SIM2: variants seen among roughly 807,000 people sequenced by gnomAD.
The protein encoded by SIM2 is single-minded homolog 2.
SIM2 carries 28 observed loss-of-function variants against 64.8 expected under a neutral mutation model. The observed-to-expected ratio is 0.43, with a 90% confidence interval of 0.32 to 0.59. The LOEUF (loss-of-function observed/expected upper bound fraction) is 0.59. Ranked by LOEUF, SIM2 falls within the 20% of genes least tolerant of loss-of-function variation. The probability of loss-of-function intolerance (pLI) is 0.07; values close to 1 mark genes in which losing one functional copy is unlikely to be tolerated. For synonymous variants in SIM2, 408 were observed against 391.1 expected (o/e 1.04, Z -0.51); for missense variants, 847 against 871.4 (o/e 0.97, Z 0.35).
intron 1 of SIM2, among the ~76,000 whole-genome samples, chr21:36,702,373 G>C (rs1464101576): frequency 6.6e-6 from 1 of 152,238 alleles, no homozygotes; most frequent in African/African-American, 2.4e-5. Context: ...CCCTCGGAAA[G>C]GGAAGGGAGC....
rs534777844 is a variant in SIM2, at chr21:36,731,059, C to T, written c.758C>T (p.Thr253Met). Reference protein sequence around the residue: ...IFLDSRVTEVTGYEPQDLIEK... With the variant: ...IFLDSRVTEVMGYEPQDLIEK... ...TGCCCCCACAGGGTGACCGAGGTGA[C>T]GGGGTACGAGCCGCAGGACCTGATC... The change falls in exon 7 of 11, where the codon ACG (threonine) becomes ATG (methionine). Residue 253 changes from threonine (T) to methionine (M), a missense_variant. Physicochemically the swap from Thr to Met is moderately conservative, Grantham distance 81 (BLOSUM62 -1). Transcript: ENST00000290399. 38 of 1,613,782 alleles carry T rather than the reference C, an allele frequency of 2.4e-5. No individual in the cohort carries two copies. Among genetic ancestry groups the T allele is most frequent in the Middle Eastern group, 1.6e-4 (1 of 6,062 alleles).
intron 1 of SIM2, among the ~76,000 whole-genome samples, chr21:36,700,258 G>A (rs2088471096): frequency 7.3e-6 from 1 of 136,062 alleles, no homozygotes; most frequent in South Asian, 2.5e-4. Flanking sequence ...TCCTTCGCCA[G>A]TGCATTCTGG....
intron 3 of SIM2, among the ~76,000 whole-genome samples, chr21:36,714,686 C>G (rs1233712961): frequency 6.6e-6 from 1 of 152,182 alleles, no homozygotes; most frequent in African/African-American, 2.4e-5. Context: ...TCAGGAGGTA[C>G]TGTGCACATC....
chr21:36,724,232 T>C (rs867000223), intron 5 of SIM2, among the ~76,000 whole-genome samples: 11 of 152,350 alleles, frequency 7.2e-5, no homozygotes, highest in African/African-American at 2.2e-4. Context: ...CTAAGCCTCT[T>C]TGGGCCACGG....
intron 1 of SIM2, among the ~76,000 whole-genome samples, chr21:36,707,354 G>A (rs1444237709): frequency 1.3e-5 from 2 of 152,218 alleles, no homozygotes; most frequent in African/African-American, 2.4e-5. Context: ...AGAGCACAGG[G>A]AGTGCTGCTG....
Position 36,748,145 on chromosome 21 carries a change from G to A in SIM2, c.*53G>A, listed in dbSNP as rs2089260638. 2 of 1,006,608 alleles carry A rather than the reference G, an allele frequency of 2.0e-6. No individual in the cohort carries two copies. Among genetic ancestry groups the A allele is most frequent in the Non-Finnish European group, 1.2e-6 (1 of 808,074 alleles). 62.4% of individuals were successfully genotyped at this position (1,006,608 alleles called of 1,614,324 possible). A position where few individuals can be genotyped will look rare whatever the true frequency, so the allele number is the denominator to read the frequency against. ...GGACCCGGCCTCCCGGGGCTGCGGC[G>A]CCACCGAGCCCGGCAAATGCGCACG... On this transcript the variant is annotated 3_prime_UTR_variant, in exon 11 of 11. Transcript: ENST00000290399.
intron 10 of SIM2, among the ~76,000 whole-genome samples, chr21:36,746,842 G>A (rs1180206600): frequency 6.6e-6 from 1 of 152,230 alleles, no homozygotes; most frequent in African/African-American, 2.4e-5. Context: ...TGTGTCGGAA[G>A]CTGGCTAATG....
chr21:36,712,108 T>C (rs1186703808), intron 2 of SIM2, among the ~76,000 whole-genome samples: 4 of 152,216 alleles, frequency 2.6e-5, no homozygotes, highest in Non-Finnish European at 4.4e-5. Context: ...ATAAAGCATA[T>C]GTCCTAGTGG....
chr21:36,733,131 C>T (rs1327261417), intron 7 of SIM2, among the ~76,000 whole-genome samples: 2 of 152,170 alleles, frequency 1.3e-5, no homozygotes, highest in Non-Finnish European at 2.9e-5. Context: ...AAGCATACCC[C>T]CGAATTACAG....
intron 1 of SIM2, chr21:36,701,475 C>T (rs2088495621): frequency 6.6e-6 from 1 of 152,210 alleles, no homozygotes; most frequent in South Asian, 2.1e-4. Flanking sequence ...AGGAGCCAGG[C>T]GCGGGCTGAC....
rs1188076889 is a variant in SIM2 at position 36,747,832 on chromosome 21, G to C, written c.1744G>C (p.Ala582Pro). Residue 582 changes from alanine (A) to proline (P), a missense_variant, in exon 11 of 11, where the codon GCG becomes CCG. Ala to Pro is a conservative substitution (Grantham distance 27). Coordinates refer to ENST00000290399, the MANE Select transcript of SIM2 (RefSeq NM_005069.6). The surrounding 1 kb of genome is among the most constrained non-coding windows in gnomAD (Gnocchi z 4.5). Reference protein sequence around the residue: ...ALARAAPECCAPPTPEAPGAP... With the variant: ...ALARAAPECCPPPTPEAPGAP... Reference sequence around the variant, plus strand: ...GGCCCGCGCGGCACCCGAGTGCTGCGCGCCCCCGACCCCCGAGGCCCCGGG... The same window carrying C: ...GGCCCGCGCGGCACCCGAGTGCTGCCCGCCCCCGACCCCCGAGGCCCCGGG... 3.9e-6 allele frequency: 4 copies of C among 1,033,638 alleles called. No homozygotes were observed. The highest frequency in any genetic ancestry group is 4.6e-6 in the Non-Finnish European group (4 of 863,536). The allele number at this position is 1,033,638 out of a possible 1,614,324, so 64.0% of individuals were successfully genotyped here.
intron 3 of SIM2, among the ~76,000 whole-genome samples, 153 bp from the exon 4 acceptor site, chr21:36,719,668 A>G (rs747292572): frequency 5.3e-5 from 8 of 152,186 alleles, no homozygotes; most frequent in Non-Finnish European, 1.2e-4. Context: ...TTGAGAAAAG[A>G]AAACTGTTTC....
rs572946086 is a variant in SIM2, at chr21:36,730,174, C to T, written c.744-871C>T. On this transcript the variant is annotated intron_variant, in intron 6 of 10. Coordinates refer to ENST00000290399, the MANE Select transcript of SIM2 (RefSeq NM_005069.6). ...ATCTGTGCCAATCAACAGTGTCTAGCGTGCAACAGAGGTTTAAACACTCGC... is the reference window on the plus strand; with the variant it reads ...ATCTGTGCCAATCAACAGTGTCTAGTGTGCAACAGAGGTTTAAACACTCGC... Among the ~76,000 whole-genome samples the T allele has an allele frequency of 2.0e-3, 308 of 152,296 alleles. 1 individual carries two copies. The highest frequency in any genetic ancestry group is 3.6e-3 in the Non-Finnish European group (247 of 68,028).
intron 1 of SIM2, among the ~76,000 whole-genome samples, chr21:36,708,301 G>T (rs968878642): frequency 1.3e-5 from 2 of 152,262 alleles, no homozygotes; most frequent in Admixed American, 1.3e-4. Flanking sequence ...GTCTCGCGGG[G>T]CGCAGCAGTC....
At chr21:36,711,617 T>C (rs1192275033) in intron 2 of SIM2, among the ~76,000 whole-genome samples, 2 of 152,186 alleles carry the variant, frequency 1.3e-5, no homozygotes, top group East Asian at 3.8e-4. Context: ...GCTGTAAAAA[T>C]AGAATTTGTG....
chr21:36,707,367 A>G (rs573092901), intron 1 of SIM2, among the ~76,000 whole-genome samples: 19 of 152,222 alleles, frequency 1.2e-4, no homozygotes, highest in Non-Finnish European at 2.1e-4. Context: ...TGCTGCTGTG[A>G]TCACGGTGGT....
chr21:36,729,378 G>A (rs965913062), intron 6 of SIM2, among the ~76,000 whole-genome samples: 1 of 151,646 alleles, frequency 6.6e-6, no homozygotes, highest in Admixed American at 6.6e-5. Context: ...CCCCCTCCCC[G>A]CATCCCTCTC....
chr21:36,708,339 C>T lies in SIM2; in HGVS notation c.176-829C>T, dbSNP rs1407958983. Among the ~76,000 whole-genome samples, 4 of 152,210 alleles carry T rather than the reference C, an allele frequency of 2.6e-5. No homozygotes were observed. In the East Asian group the frequency reaches 7.7e-4, roughly 29 times the overall value. ...GTCGAGGGTGCAGCAGGAGGGGAGTCCTGACGGGCAGGTCCCTCTTTCCCC... is the reference window on the plus strand; with the variant it reads ...GTCGAGGGTGCAGCAGGAGGGGAGTTCTGACGGGCAGGTCCCTCTTTCCCC... On this transcript the variant is annotated intron_variant, in intron 1 of 10. Coordinates refer to ENST00000290399, the MANE Select transcript of SIM2 (RefSeq NM_005069.6).
chr21:36,721,491 G>A (rs1219307878), intron 4 of SIM2, among the ~76,000 whole-genome samples: 8 of 152,160 alleles, frequency 5.3e-5, no homozygotes, highest in Non-Finnish European at 1.0e-4. Context: ...CAGGCAAGGA[G>A]TGCAGTGGTG....
Sources: gnomAD v4.1 joint callset for allele counts (sites outside exome capture counted in the v4.1 genomes callset) on GRCh38, gnomAD v4.1.1 for gene constraint, Gnocchi (gnomAD v3.1) non-coding constraint, MANE v1.5 for transcripts, NCBI Gene and HGNC (gene_info 2026-07-23, HGNC 2026-07-21) for gene names.